The following NAALADL2 variants were observed in gnomAD, a reference collection of about 807,000 sequenced individuals.
NAALADL2 encodes inactive N-acetylated-alpha-linked acidic dipeptidase-like protein 2.
A neutral mutation model predicts 87.2 loss-of-function variants in NAALADL2; 76 were observed. The ratio of observed to expected loss-of-function variants is 0.87; its 90% confidence interval spans 0.72 to 1.05. The LOEUF (loss-of-function observed/expected upper bound fraction) is 1.05. Among genes scored for constraint, NAALADL2 ranks in the 50% least tolerant of loss-of-function variants. The pLI, the probability that NAALADL2 is intolerant of heterozygous loss-of-function variation, is 0.00. For missense variants in NAALADL2, 1,089 were observed against 945.8 expected (o/e 1.15, Z -1.99); for synonymous variants, 354 against 331.0 (o/e 1.07, Z -0.75).
chr3:174,498,796 G>A (rs969777409), intron 1 of NAALADL2, among the ~76,000 whole-genome samples: 1 of 151,750 alleles, frequency 6.6e-6, no homozygotes, highest in Non-Finnish European at 1.5e-5. Flanking sequence ...GAAGCATAGT[G>A]GTATCCCTTT....
intron 5 of NAALADL2, among the ~76,000 whole-genome samples, chr3:175,357,528 T>C (rs1764522860): frequency 6.6e-6 from 1 of 152,162 alleles, no homozygotes; most frequent in African/African-American, 2.4e-5. Context: ...TTCCTTTTCT[T>C]TATTTGGTAT....
At chr3:174,705,243 A>G (rs1339312213) in intron 2 of NAALADL2, among the ~76,000 whole-genome samples, 2 of 152,202 alleles carry the variant, frequency 1.3e-5, no homozygotes, top group Non-Finnish European at 2.9e-5. Flanking sequence ...GGAAGAAATC[A>G]TAGTACTTAG....
chr3:175,568,089 A>G (rs1423516713), intron 9 of NAALADL2, among the ~76,000 whole-genome samples: 2 of 151,294 alleles, frequency 1.3e-5, no homozygotes, highest in Non-Finnish European at 1.5e-5. Flanking sequence ...TAATAAAGGC[A>G]TTGCAAGTTA....
intron 1 of NAALADL2, among the ~76,000 whole-genome samples, chr3:174,938,408 C>T (rs1738034419): frequency 6.6e-6 from 1 of 152,060 alleles, no homozygotes; most frequent in East Asian, 1.9e-4. Context: ...ACCACATTTT[C>T]TTTATTCAAT....
At chr3:175,153,536 A>G (rs551313174) in intron 2 of NAALADL2, among the ~76,000 whole-genome samples, 1 of 152,340 alleles carries the variant, frequency 6.6e-6, no homozygotes, top group African/African-American at 2.4e-5. Flanking sequence ...ACACTGGGCC[A>G]GCACTGATCT....
intron 4 of NAALADL2, among the ~76,000 whole-genome samples, chr3:175,296,476 C>T (rs1581301263): frequency 6.6e-6 from 1 of 152,154 alleles, no homozygotes; most frequent in Non-Finnish European, 1.5e-5. Flanking sequence ...TTCCCCGTAA[C>T]TTTGATATTC....
At chr3:175,502,665 A>G (rs1196195554) in intron 9 of NAALADL2, among the ~76,000 whole-genome samples, 2 of 150,160 alleles carry the variant, frequency 1.3e-5, no homozygotes, top group Non-Finnish European at 3.0e-5. Flanking sequence ...TTATGAGTCA[A>G]TTCGTTATAA....
intron 3 of NAALADL2, among the ~76,000 whole-genome samples, chr3:174,778,918 G>A (rs191754311): frequency 2.0e-5 from 3 of 152,204 alleles, no homozygotes; most frequent in Non-Finnish European, 4.4e-5. Context: ...TTGCTATTGT[G>A]AACAGTGCCA....
At chr3:175,780,290 A>C (rs923964182) in intron 13 of NAALADL2, among the ~76,000 whole-genome samples, 1 of 151,642 alleles carries the variant, frequency 6.6e-6, no homozygotes, top group Non-Finnish European at 1.5e-5. Flanking sequence ...AAAAAAAACC[A>C]ATAAAAAGAA....
chr3:174,451,105 A>G (rs866261007), intron 1 of NAALADL2, among the ~76,000 whole-genome samples: 6 of 152,172 alleles, frequency 3.9e-5, no homozygotes, highest in Non-Finnish European at 8.8e-5. Flanking sequence ...TTGTACAGAA[A>G]GGGTTGTCTG....
At chr3:175,690,100 T>C (rs1433250188) in intron 11 of NAALADL2, among the ~76,000 whole-genome samples, 1 of 152,100 alleles carries the variant, frequency 6.6e-6, no homozygotes, top group Non-Finnish European at 1.5e-5. Context: ...TATATAAATA[T>C]ATAGAGAAAG....
intron 10 of NAALADL2, among the ~76,000 whole-genome samples, chr3:175,588,715 T>G (rs1455553590): frequency 4.6e-5 from 7 of 152,010 alleles, no homozygotes; most frequent in African/African-American, 1.7e-4. Flanking sequence ...ATGTTTTGTA[T>G]TTTTGGTAGA....
chr3:175,188,590 G>A (rs1483278105), intron 2 of NAALADL2, among the ~76,000 whole-genome samples: 3 of 152,066 alleles, frequency 2.0e-5, no homozygotes, highest in Non-Finnish European at 4.4e-5. Context: ...AGGCCAAATA[G>A]CTGCAAAAAT....
At chr3:175,357,993 G>C (rs1009796112) in intron 5 of NAALADL2, among the ~76,000 whole-genome samples, 4 of 152,180 alleles carry the variant, frequency 2.6e-5, no homozygotes, top group Non-Finnish European at 5.9e-5. Context: ...GCCCTGGGGG[G>C]CAGCAGATAG....
chr3:175,256,108 A>G (rs17533132), intron 3 of NAALADL2, among the ~76,000 whole-genome samples: 26,524 of 152,200 alleles, frequency 0.17, 2,574 homozygotes, highest in Admixed American at 0.26. Context: ...ATATTCCAGA[A>G]ACATGAATGT....
At chr3:175,683,463 G>C (rs1422406533) in intron 11 of NAALADL2, among the ~76,000 whole-genome samples, 1 of 151,844 alleles carries the variant, frequency 6.6e-6, no homozygotes, top group Non-Finnish European at 1.5e-5. Context: ...TTAAGGTTTT[G>C]ATATAAGGTT....
chr3:175,325,241 T>C (rs988455528), intron 5 of NAALADL2, among the ~76,000 whole-genome samples: 1 of 152,226 alleles, frequency 6.6e-6, no homozygotes, highest in Non-Finnish European at 1.5e-5. Context: ...TACCAATTAA[T>C]TAGCAACTTT....
intron 10 of NAALADL2, among the ~76,000 whole-genome samples, chr3:175,607,333 G>A (rs1030270415): frequency 6.6e-6 from 1 of 152,114 alleles, no homozygotes; most frequent in Non-Finnish European, 1.5e-5. Context: ...TATTTTACAT[G>A]AATGATAGTA....
chr3:175,570,136 T>G (rs987335729), intron 9 of NAALADL2, among the ~76,000 whole-genome samples: 2 of 152,122 alleles, frequency 1.3e-5, no homozygotes, highest in Non-Finnish European at 2.9e-5. Context: ...AGCTTATTTT[T>G]GGGGGGTTCA....
Sources: gnomAD v4.1 joint callset for allele counts (sites outside exome capture counted in the v4.1 genomes callset) on GRCh38, gnomAD v4.1.1 for gene constraint, MANE v1.5 for transcripts, NCBI Gene and HGNC (gene_info 2026-07-23, HGNC 2026-07-21) for gene names.